PPM1D: variants seen among roughly 807,000 people sequenced by gnomAD.
The protein encoded by PPM1D is protein phosphatase, Mg2+/Mn2+ dependent 1D, also known as protein phosphatase 1D.
In PPM1D, 52 loss-of-function variants were observed where a neutral mutation model predicts 58.3. That is an observed-to-expected ratio of 0.89 (90% confidence interval 0.71 to 1.12). PPM1D has a LOEUF of 1.12. Among genes scored for constraint, PPM1D ranks in the 50% most tolerant of loss-of-function variants. The pLI is 0.00. For synonymous variants in PPM1D, 278 were observed against 285.1 expected (o/e 0.98, Z 0.25); for missense variants, 564 against 777.2 (o/e 0.73, Z 3.26).
chr17:60,644,271 T>TA (rs199802858), intron 3 of PPM1D, among the ~76,000 whole-genome samples: 2,039 of 152,212 alleles, frequency 0.013, 45 homozygotes, highest in African/African-American at 0.047. Flanking sequence ...TAAAAATGAC[T>TA]AAAAAATGAC....
At chr17:60,600,945 G>A (rs2030195849) in intron 1 of PPM1D, 59 bp downstream of exon 1, 2 of 1,606,596 alleles carry the variant, frequency 1.2e-6, no homozygotes, top group Admixed American at 1.7e-5. Flanking sequence ...GGGCTTTTAT[G>A]GCACCAGCCC....
Position 60,600,809 on chromosome 17 carries a change from C to G in PPM1D, c.395C>G (p.Ser132Trp), listed in dbSNP as rs2030193085. ...GFIKKQKGFT[S>W]SEPAKVCAAI... ...ATCAAGAAGCAGAAGGGTTTCACCT[C>G]GTCCGAGCCGGCTAAGGTTTGCGCT... The change falls in exon 1 of 6, where the codon TCG becomes TGG. Residue 132 changes from serine (S) to tryptophan (W), a missense_variant. This residue lies in a region of PPM1D where 23 missense variants were observed against 28.9 expected (regional missense o/e 0.80). Transcript: ENST00000305921. The G allele has an allele frequency of 6.2e-7, 1 of 1,612,972 alleles. No homozygotes were observed. The highest frequency in any genetic ancestry group is 1.3e-5 in the African/African-American group (1 of 74,946).
At chr17:60,636,535 T>C (rs1598407496) in intron 3 of PPM1D, among the ~76,000 whole-genome samples, 2 of 152,250 alleles carry the variant, frequency 1.3e-5, no homozygotes, top group South Asian at 4.2e-4. Context: ...GGGTGGGGCC[T>C]GTATAATAAT....
At chr17:60,660,342 GAAACAA>G (rs1332552905) in intron 5 of PPM1D, among the ~76,000 whole-genome samples, 2 of 151,514 alleles carry the variant, frequency 1.3e-5, no homozygotes, top group Non-Finnish European at 2.9e-5. Context: ...GTCTCAAAAA[GAAACAA>G]AAACAAAAAA....
chr17:60,638,198 AG>A (rs764117404), intron 3 of PPM1D, among the ~76,000 whole-genome samples: 17 of 152,226 alleles, frequency 1.1e-4, no homozygotes, highest in Non-Finnish European at 1.9e-4. Context: ...TTTTGATAAA[AG>A]GGCTTATAAG....
chr17:60,636,232 C>T (rs1368766676), intron 3 of PPM1D, among the ~76,000 whole-genome samples: 1 of 152,212 alleles, frequency 6.6e-6, no homozygotes, highest in Admixed American at 6.5e-5. Flanking sequence ...CCCTGAATCA[C>T]TAAATCAAGC....
Position 60,615,121 on chromosome 17 carries a change from G to A in PPM1D, c.473-8400G>A, listed in dbSNP as rs185294677. Reference sequence around the variant, plus strand: ...CTTAAGAAAATTTTCCTTAGGCTGGGTGTGGTGGCTCACACCTCTAATCCC... The same window carrying A: ...CTTAAGAAAATTTTCCTTAGGCTGGATGTGGTGGCTCACACCTCTAATCCC... On this transcript the variant is annotated intron_variant, in intron 1 of 5. Transcript: ENST00000305921. Among the ~76,000 whole-genome samples the A allele has an allele frequency of 2.2e-3, 334 of 152,254 alleles. 2 individuals are homozygous for A. The highest frequency in any genetic ancestry group is 0.017 in the Middle Eastern group (5 of 294).
intron 3 of PPM1D, among the ~76,000 whole-genome samples, chr17:60,639,014 C>T (rs2031080360): frequency 6.6e-6 from 1 of 152,114 alleles, no homozygotes; most frequent in Non-Finnish European, 1.5e-5. Context: ...GTGTATGAAG[C>T]ACTCTGCTGT....
At chr17:60,660,445 C>CTA (rs1027875077) in intron 5 of PPM1D, among the ~76,000 whole-genome samples, 23 of 152,020 alleles carry the variant, frequency 1.5e-4, no homozygotes, top group South Asian at 1.2e-3. Context: ...GTCCTAAAGT[C>CTA]TATATATATA....
At chr17:60,603,638 C>G (rs1464343069) in intron 1 of PPM1D, among the ~76,000 whole-genome samples, 10 of 152,150 alleles carry the variant, frequency 6.6e-5, no homozygotes, top group Admixed American at 5.2e-4. Context: ...TGGTGCATGC[C>G]TGTGATCCTA....
chr17:60,656,452 CAAA>C (rs375982628), intron 4 of PPM1D, 144 bp from the exon 5 acceptor site: 247 of 812,032 alleles, frequency 3.0e-4, no homozygotes, highest in Middle Eastern at 4.1e-4. Flanking sequence ...GACTCTGTCT[CAAA>C]AAAAAAAAAA....
chr17:60,612,631 A>AGG (rs1251199058), intron 1 of PPM1D, among the ~76,000 whole-genome samples: 1 of 152,240 alleles, frequency 6.6e-6, no homozygotes, highest in Admixed American at 6.5e-5. Flanking sequence ...CTTGCAAAAA[A>AGG]GGAAAGGTAA....
intron 3 of PPM1D, among the ~76,000 whole-genome samples, chr17:60,640,632 C>T (rs538658089): frequency 2.6e-5 from 4 of 152,186 alleles, no homozygotes; most frequent in Admixed American, 6.5e-5. Context: ...CGATTGATTC[C>T]GTCATCCAGG....
intron 5 of PPM1D, among the ~76,000 whole-genome samples, chr17:60,661,191 C>T (rs1030355935): frequency 1.6e-4 from 23 of 144,330 alleles, no homozygotes; most frequent in Admixed American, 1.5e-3. Flanking sequence ...TGCACTCCAG[C>T]CTGGGCAACA....
intron 4 of PPM1D, among the ~76,000 whole-genome samples, chr17:60,650,100 A>G (rs1171700076): frequency 1.3e-5 from 2 of 152,224 alleles, no homozygotes; most frequent in Non-Finnish European, 2.9e-5. Flanking sequence ...CATCCGTATA[A>G]TGTATAATTA....
At chr17:60,625,143 T>C (rs987185481) in intron 2 of PPM1D, among the ~76,000 whole-genome samples, 5 of 151,648 alleles carry the variant, frequency 3.3e-5, no homozygotes, top group Non-Finnish European at 5.9e-5. Context: ...CTCCATCTCT[T>C]AAAAAAATAA....
intron 3 of PPM1D, among the ~76,000 whole-genome samples, chr17:60,645,526 A>T (rs1381430302): frequency 1.4e-5 from 2 of 139,418 alleles, no homozygotes; most frequent in Non-Finnish European, 3.1e-5. Context: ...ATATATGTAT[A>T]TATATATGTG....
chr17:60,617,727 C>T (rs1370881055), intron 1 of PPM1D, among the ~76,000 whole-genome samples: 5 of 151,912 alleles, frequency 3.3e-5, no homozygotes, highest in East Asian at 3.9e-4. Flanking sequence ...TGATTTCTGC[C>T]GGCAAAATTG....
intron 1 of PPM1D, among the ~76,000 whole-genome samples, chr17:60,617,975 C>A (rs1282907040): frequency 6.6e-6 from 1 of 152,178 alleles, no homozygotes; most frequent in Non-Finnish European, 1.5e-5. Context: ...TAATGGTTTA[C>A]TTGTTTTTCT....
Sources: gnomAD v4.1 joint callset for allele counts (sites outside exome capture counted in the v4.1 genomes callset) on GRCh38, gnomAD v4.1.1 for gene constraint, gnomAD v4.1.1 regional missense constraint, MANE v1.5 for transcripts, NCBI Gene and HGNC (gene_info 2026-07-23, HGNC 2026-07-21) for gene names.